Variants in CALHM1 observed in about 807,000 individuals in gnomAD.
CALHM1 encodes calcium homeostasis modulator 1.
CALHM1 carries 11 observed loss-of-function variants against 14.8 expected under a neutral mutation model. The observed-to-expected ratio is 0.74, with a 90% CI of 0.47 to 1.23. CALHM1 has a LOEUF of 1.23. CALHM1 is among the 50% of genes most tolerant of loss of function. The pLI is 0.00. For missense variants in CALHM1, 458 were observed against 496.4 expected (o/e 0.92, Z 0.74); for synonymous variants, 215 against 218.9 (o/e 0.98, Z 0.16).
chr10:103,458,257 G>C lies in CALHM1; in HGVS notation c.495C>G (p.Tyr165Ter), dbSNP rs747479912. The change falls in exon 1 of 2, where the codon TAC (tyrosine) becomes TAG (stop). Residue 165 changes from tyrosine to a stop codon, truncating the protein, a stop_gained. Coordinates refer to ENST00000329905, the MANE Select transcript of CALHM1 (RefSeq NM_001001412.4). LOFTEE classifies it high-confidence loss of function. This position sits in a 1 kb window ranked among gnomAD's most constrained non-coding sequence, Gnocchi z 4.9. Reference sequence around the variant, plus strand: ...CTCGGGCCAACAGCCAGTCGCCATCGTAGATCTCAGGGCAGGGCACCCGGG... The same window carrying C: ...CTCGGGCCAACAGCCAGTCGCCATCCTAGATCTCAGGGCAGGGCACCCGGG... ...LLARVPCPEI[Y>*]DGDWLLAREV... 6.2e-7 allele frequency: 1 copy of C among 1,613,090 alleles called. No individual in the cohort carries two copies. The highest frequency in any genetic ancestry group is 8.5e-7 in the Non-Finnish European group (1 of 1,179,870).
intron 1 of CALHM1, among the ~76,000 whole-genome samples, chr10:103,455,977 G>A (rs1003865177): frequency 2.0e-5 from 3 of 152,260 alleles, no homozygotes; most frequent in Admixed American, 6.5e-5. Context: ...AGCACCCACC[G>A]TGCTGGCGGG....
At chr10:103,456,116 C>T (rs2033147768) in intron 1 of CALHM1, among the ~76,000 whole-genome samples, 2 of 152,216 alleles carry the variant, frequency 1.3e-5, no homozygotes, top group African/African-American at 2.4e-5. Context: ...AGTTTCCACA[C>T]CTATAAAGCA....
rs779519294 is a variant in CALHM1 at position 103,458,571 on chromosome 10, G to A, written c.181C>T (p.Pro61Ser). The A allele has an allele frequency of 4.3e-6, 7 of 1,613,798 alleles. No individual in the cohort carries two copies. In the Admixed American group the frequency reaches 1.0e-4, roughly 23 times the overall value. The change falls in exon 1 of 2, where the codon CCC (proline) becomes TCC (serine). Residue 61 changes from proline to serine, a missense_variant. Transcript: ENST00000329905. The surrounding 1 kb of genome is among the most constrained non-coding windows in gnomAD (Gnocchi z 4.9). ...AYSAGILLAP[P>S]LVLFLLGLVM... ...AGGCCAAGCAGAAAGAGCACCAGGG[G>A]TGGCGCCAGCAGGATGCCCGCGCTG... is the stretch of plus-strand genomic sequence containing the variant.
chr10:103,457,873 A>C (rs1371555513), intron 1 of CALHM1, among the ~76,000 whole-genome samples: 5 of 152,232 alleles, frequency 3.3e-5, no homozygotes, highest in Admixed American at 3.3e-4. Context: ...GAGGCCCGGA[A>C]GAGGGAAAGC....
intron 1 of CALHM1, 112 bp from the exon 2 acceptor site, chr10:103,455,859 G>A: frequency 7.4e-7 from 1 of 1,355,104 alleles, no homozygotes; most frequent in Non-Finnish European, 9.8e-7. Flanking sequence ...GCACAAATTG[G>A]GCAAGTGAGC....
Position 103,454,075 on chromosome 10 carries a change from G to C in CALHM1, c.*1187C>G, listed in dbSNP as rs2033108227. On this transcript the variant is annotated 3_prime_UTR_variant, in exon 2 of 2. Coordinates refer to ENST00000329905, the MANE Select transcript of CALHM1 (RefSeq NM_001001412.4). ...AGATGGAAGCTCGAGTGTTTGTGTT[G>C]CTGTCTCATCCCTGCCCAGGGGAGG... The C allele has an allele frequency of 6.6e-6, 1 of 152,228 alleles. No individual in the cohort carries two copies. Among genetic ancestry groups the C allele is most frequent in the Non-Finnish European group, 1.5e-5 (1 of 68,058 alleles). 9.4% of individuals were successfully genotyped at this position (152,228 alleles called of 1,614,324 possible).
At position 103,455,407 on chromosome 10, in the gene CALHM1, A is replaced by G. The variant is rs757441540; in HGVS notation, c.896T>C (p.Met299Thr). ...KLRGITDQGT[M>T]NRLLTSWHKC... Reference sequence around the variant, plus strand: ...GTGCCAGCTCGTGAGCAGCCTGTTCATGGTGCCTTGATCCGTGATGCCACG... The same window carrying G: ...GTGCCAGCTCGTGAGCAGCCTGTTCGTGGTGCCTTGATCCGTGATGCCACG... Residue 299 changes from methionine to threonine, a missense_variant, in exon 2 of 2, where the codon ATG becomes ACG. Physicochemically the swap from Met to Thr is moderately conservative, Grantham distance 81. Transcript: ENST00000329905. 5 of 1,613,924 alleles carry G rather than the reference A, an allele frequency of 3.1e-6. No homozygotes were observed. The highest frequency in any genetic ancestry group is 4.2e-6 in the Non-Finnish European group (5 of 1,180,046).
At chr10:103,455,825 A>G in intron 1 of CALHM1, 78 bp from the exon 2 acceptor site, 1 of 1,497,878 alleles carries the variant, frequency 6.7e-7, no homozygotes, top group Non-Finnish European at 8.9e-7. Flanking sequence ...AGCACTCTCT[A>G]TGCCAGTGCC....
rs200674244 is a variant in CALHM1 at position 103,455,794 on chromosome 10, C to T, written c.556-47G>A. On this transcript the variant is annotated intron_variant, in intron 1 of 1. Transcript: ENST00000329905. ...TCACGGGGCACTGTCCTTGGGCCTCCGAGCCTGTTCAGACTCCCAAAGCAC... is the reference window on the plus strand; with the variant it reads ...TCACGGGGCACTGTCCTTGGGCCTCTGAGCCTGTTCAGACTCCCAAAGCAC... The T allele has an allele frequency of 1.3e-3, 2,026 of 1,569,976 alleles. 2 individuals are homozygous for T. The highest frequency in any genetic ancestry group is 1.7e-3 in the Admixed American group (93 of 55,262).
In CALHM1 at chr10:103,455,496, C is replaced by T. The variant is rs557348289; in HGVS notation, c.807G>A (p.Thr269=). 7 of 1,613,406 alleles carry T rather than the reference C, an allele frequency of 4.3e-6. No homozygotes were observed. The highest frequency in any genetic ancestry group is 3.3e-5 in the South Asian group (3 of 91,002). ...TGGGGGCAGCTGCGGAAGCAGGGGC[C>T]GTGGCCAGTGTCCCGTGGGTGTGAC... is the stretch of plus-strand genomic sequence containing the variant. The part of the protein sequence containing the change: ...ELGHTHGTLA[T]APASAAAPTT... The change falls in exon 2 of 2, where the codon ACG becomes ACA. Residue 269 remains threonine (T), a synonymous_variant. Transcript: ENST00000329905.
In CALHM1 at chr10:103,458,370, C is replaced by T. The variant is rs2033178097; in HGVS notation, c.382G>A (p.Ala128Thr). 1 of 1,609,942 alleles carries T rather than the reference C, an allele frequency of 6.2e-7. No individual in the cohort carries two copies. The highest frequency in any genetic ancestry group is 1.7e-5 in the Admixed American group (1 of 59,804). ...CTCACGGGCACGGCAGTGCAGAAGG[C>T]ACAGAGGAAGCATTTGCCGTCGAGT... is the stretch of plus-strand genomic sequence containing the variant. ...TLLDGKCFLC[A>T]FCTAVPVSAL... The change falls in exon 1 of 2, where the codon GCC (alanine) becomes ACC (threonine). Residue 128 changes from alanine to threonine, a missense_variant. Transcript: ENST00000329905. The surrounding 1 kb of genome is among the most constrained non-coding windows in gnomAD (Gnocchi z 4.9).
chr10:103,458,472 C>T lies in CALHM1; in HGVS notation c.280G>A (p.Ala94Thr), dbSNP rs762591802. 4.3e-6 allele frequency: 7 copies of T among 1,613,202 alleles called. No individual in the cohort carries two copies. Among genetic ancestry groups the T allele is most frequent in the Admixed American group, 1.7e-5 (1 of 60,014 alleles). Reference protein sequence around the residue: ...RPLGRRAKDPAVLRYMFCSMA... With the variant: ...RPLGRRAKDPTVLRYMFCSMA... Reference sequence around the variant, plus strand: ...GAGCAGAACATGTAGCGCAACACAGCGGGGTCCTTGGCCCGGCGGCCCAGC... The same window carrying T: ...GAGCAGAACATGTAGCGCAACACAGTGGGGTCCTTGGCCCGGCGGCCCAGC... The change falls in exon 1 of 2, where the codon GCT becomes ACT. Residue 94 changes from alanine to threonine, a missense_variant. Transcript: ENST00000329905. This position sits in a 1 kb window ranked among gnomAD's most constrained non-coding sequence, Gnocchi z 4.9.
chr10:103,456,236 C>T (rs1271191451), intron 1 of CALHM1, among the ~76,000 whole-genome samples: 1 of 152,180 alleles, frequency 6.6e-6, no homozygotes, highest in East Asian at 1.9e-4. Flanking sequence ...ACTGTTGTGC[C>T]AATAGGCCCT....
chr10:103,455,280 G>T lies in CALHM1; in HGVS notation c.1023C>A (p.Thr341=). 6.2e-7 allele frequency: 1 copy of T among 1,607,540 alleles called. No individual in the cohort carries two copies. ...GPRPPRKEVA[T]YFSKV ...CCACACCTCACACTTTGCTGAAGTAGGTGGCCACCTCCTTACGCGGAGGCC... is the reference window on the plus strand; with the variant it reads ...CCACACCTCACACTTTGCTGAAGTATGTGGCCACCTCCTTACGCGGAGGCC... The change falls in exon 2 of 2, where the codon ACC becomes ACA. Residue 341 remains threonine (T), a synonymous_variant. Transcript: ENST00000329905.
At chr10:103,456,930 A>G (rs1449055701) in intron 1 of CALHM1, among the ~76,000 whole-genome samples, 1 of 152,180 alleles carries the variant, frequency 6.6e-6, no homozygotes, top group East Asian at 1.9e-4. Flanking sequence ...CTGGGACTAC[A>G]GGCATGTGCC....
At chr10:103,455,860 G>C (rs772526563) in intron 1 of CALHM1, 113 bp from the exon 2 acceptor site, 307 of 1,337,402 alleles carry the variant, frequency 2.3e-4, no homozygotes, top group Non-Finnish European at 2.6e-4. Context: ...CACAAATTGG[G>C]CAAGTGAGCT....
chr10:103,455,737 C>T lies in CALHM1; in HGVS notation c.566G>A (p.Trp189Ter), dbSNP rs1433077906. Residue 189 changes from tryptophan (W) to a stop codon, truncating the protein, a stop_gained, in exon 2 of 2, where the codon TGG (tryptophan) becomes TAG (stop). Coordinates refer to ENST00000329905, the MANE Select transcript of CALHM1 (RefSeq NM_001001412.4). LOFTEE classifies it low-confidence loss of function (END_TRUNC). ...YLRCISQALG[W>*]SFVLLTTLLA... ...CAGAGTGGTCAGCAGCACGAAGGAC[C>T]AGCCCAGCGCCTGTGGGAAGATGAG... 2.5e-6 allele frequency: 4 copies of T among 1,611,818 alleles called. No homozygotes were observed. Among genetic ancestry groups the T allele is most frequent in the Non-Finnish European group, 3.4e-6 (4 of 1,179,244 alleles).
rs764167413 is a variant in CALHM1 at position 103,458,433 on chromosome 10, C to T, written c.319G>A (p.Ala107Thr). 1.8e-5 allele frequency: 29 copies of T among 1,611,088 alleles called. No homozygotes were observed. Among genetic ancestry groups the T allele is most frequent in the African/African-American group, 4.0e-5 (3 of 74,902 alleles). ...ACCCAGACGACAGGCGCGATGAGGG[C>T]GCGCTGGGCCATGGAGCAGAACATG... is the stretch of plus-strand genomic sequence containing the variant. ...RYMFCSMAQRALIAPVVWVAV... is the reference protein window; with the variant it reads ...RYMFCSMAQRTLIAPVVWVAV... Residue 107 changes from alanine (A) to threonine (T), a missense_variant, in exon 1 of 2, where the codon GCC (alanine) becomes ACC (threonine). Ala to Thr is a moderately conservative substitution (Grantham distance 58, BLOSUM62 0). Transcript: ENST00000329905. This position sits in a 1 kb window ranked among gnomAD's most constrained non-coding sequence, Gnocchi z 4.9.
Position 103,458,292 on chromosome 10 carries a change from G to T in CALHM1, c.460C>A (p.Arg154Ser). Residue 154 changes from arginine to serine, a missense_variant, in exon 1 of 2, where the codon CGC (arginine) becomes AGC (serine). Arg to Ser is a moderately radical substitution (Grantham distance 110). Coordinates refer to ENST00000329905, the MANE Select transcript of CALHM1 (RefSeq NM_001001412.4). The surrounding 1 kb of genome is among the most constrained non-coding windows in gnomAD (Gnocchi z 4.9). ...APGLPAPELA[R>S]LLARVPCPEI... ...GGGCAGGGCACCCGGGCCAGCAGGCGGGCGAGCTCGGGGGCAGGAAGGCCG... is the reference window on the plus strand; with the variant it reads ...GGGCAGGGCACCCGGGCCAGCAGGCTGGCGAGCTCGGGGGCAGGAAGGCCG... 1 of 1,611,996 alleles carries T rather than the reference G, an allele frequency of 6.2e-7. No individual in the cohort carries two copies. The highest frequency in any genetic ancestry group is 1.1e-5 in the South Asian group (1 of 91,030).
Sources: allele counts gnomAD v4.1 joint callset (sites outside exome capture counted in the v4.1 genomes callset), GRCh38; gene constraint gnomAD v4.1.1; non-coding constraint Gnocchi (gnomAD v3.1); transcripts MANE v1.5; gene names NCBI Gene and HGNC (gene_info 2026-07-23, HGNC 2026-07-21).